WWC1: variants seen among roughly 807,000 people sequenced by gnomAD.
WWC1 encodes the protein WW and C2 domain containing 1, also known as protein KIBRA.
WWC1 carries 55 observed loss-of-function variants against 138.4 expected under a neutral mutation model. The observed-to-expected ratio is 0.40, with a 90% CI of 0.32 to 0.50. WWC1 has a LOEUF of 0.50. Ranked by LOEUF, WWC1 falls within the 20% of genes least tolerant of loss-of-function variation. WWC1 has a pLI of 0.72. For missense variants in WWC1, 1,226 were observed against 1,420.4 expected, an observed-to-expected ratio of 0.86 and a Z score of 2.20; for synonymous variants, 524 against 564.9, an observed-to-expected ratio of 0.93 and a Z score of 1.03.
Position 168,442,439 on chromosome 5 carries a change from C to CAAA in WWC1, c.2433+621_2433+623dup, listed in dbSNP as rs11430085. 3.3e-3 allele frequency among the ~76,000 whole-genome samples: 325 copies of CAAA among 97,192 alleles called. 7 individuals carry two copies. The highest frequency in any genetic ancestry group is 6.9e-3 in the Middle Eastern group (1 of 144). 63.8% of individuals were successfully genotyped at this position (97,192 alleles called of 152,430 possible). A position where few individuals can be genotyped will look rare whatever the true frequency, so the allele number is the denominator to read the frequency against. On this transcript the variant is annotated intron_variant, in intron 16 of 22. Transcript: ENST00000265293. ...GCAACATGGTGAGGCCTTGTCTCTACAAAAAAAAAAAAAAAAAATTTAATT... is the reference window on the plus strand; with the variant it reads ...GCAACATGGTGAGGCCTTGTCTCTACAAAAAAAAAAAAAAAAAAAAATTTAATT...
In WWC1 at chr5:168,414,564, C is replaced by A. The variant is rs1300715049; in HGVS notation, c.1158C>A (p.Asp386Glu). The change falls in exon 9 of 23, where the codon GAC becomes GAA. Residue 386 changes from aspartate (D) to glutamate (E), a missense_variant. This residue lies in a region of WWC1 where 1,016 missense variants were observed against 1,153.9 expected (regional missense o/e 0.88). Transcript: ENST00000265293. ...AAAAGGACCTGCAGGCAGCCCGGGA[C>A]ACCCAGAGCAAGGCGCTGACGGAGA... The part of the protein sequence containing the change: ...RLEKDLQAAR[D>E]TQSKALTERL... 6.4e-7 allele frequency: 1 copy of A among 1,553,120 alleles called. No individual in the cohort carries two copies. Among genetic ancestry groups the A allele is most frequent in the East Asian group, 2.4e-5 (1 of 41,328 alleles).
At position 168,414,411 on chromosome 5, in the gene WWC1, C is replaced by T; in HGVS notation, c.1005C>T (p.Asp335=). ...LDSEAWPGVL[D]SERDRLILIN... is the part of the protein sequence containing the mutation. ...GTGAGGCCTGGCCTGGGGTGCTGGA[C>T]TCAGAGAGGGACCGGCTGATCCTTA... Residue 335 remains aspartate (D), a synonymous_variant, in exon 9 of 23, where the codon GAC becomes GAT. Transcript: ENST00000265293. 1 of 1,605,522 alleles carries T rather than the reference C, an allele frequency of 6.2e-7. No individual in the cohort carries two copies. Among genetic ancestry groups the T allele is most frequent in the Non-Finnish European group, 8.5e-7 (1 of 1,175,778 alleles).
At chr5:168,296,293 C>T (rs374595075) in intron 1 of WWC1, among the ~76,000 whole-genome samples, 10 of 152,082 alleles carry the variant, frequency 6.6e-5, no homozygotes, top group East Asian at 3.9e-4. Context: ...TGGTAAGTAC[C>T]GGAGGCACAC....
At chr5:168,338,179 C>T (rs191835407) in intron 1 of WWC1, among the ~76,000 whole-genome samples, 2,687 of 151,476 alleles carry the variant, frequency 0.018, 87 homozygotes, top group African/African-American at 0.062. Flanking sequence ...GGCGTGGTGG[C>T]ACGCACCTGT....
At chr5:168,414,783 C>T in intron 9 of WWC1, 193 bp downstream of exon 9, 2 of 811,206 alleles carry the variant, frequency 2.5e-6, no homozygotes, top group Non-Finnish European at 3.6e-6. Context: ...GCCAGCTACC[C>T]TGGAATTTTG....
intron 1 of WWC1, among the ~76,000 whole-genome samples, chr5:168,308,163 A>G (rs1340845651): frequency 3.3e-5 from 5 of 152,348 alleles, no homozygotes; most frequent in Admixed American, 2.6e-4. Context: ...TTAGCCGTGC[A>G]TGGGTTACCT....
intron 10 of WWC1, among the ~76,000 whole-genome samples, chr5:168,422,954 TG>T (rs1318123089): frequency 6.6e-6 from 1 of 152,024 alleles, no homozygotes; most frequent in Non-Finnish European, 1.5e-5. Flanking sequence ...GAGACTAGCC[TG>T]GGCAACACGG....
intron 1 of WWC1, among the ~76,000 whole-genome samples, chr5:168,304,106 C>G (rs567357870): frequency 1.3e-5 from 2 of 152,324 alleles, no homozygotes; most frequent in South Asian, 4.1e-4. Context: ...TTAGACATCT[C>G]TCATTATATT....
intron 17 of WWC1, among the ~76,000 whole-genome samples, chr5:168,451,230 C>T (rs961938892): frequency 2.0e-5 from 3 of 152,042 alleles, no homozygotes; most frequent in Non-Finnish European, 4.4e-5. Context: ...TCATATTGGT[C>T]AGGCTGGTCT....
chr5:168,356,460 G>A (rs772030964), intron 1 of WWC1, among the ~76,000 whole-genome samples: 3 of 152,178 alleles, frequency 2.0e-5, no homozygotes, highest in South Asian at 2.1e-4. Context: ...GTCATACATC[G>A]GTGTCAGGCA....
At position 168,453,914 on chromosome 5, in the gene WWC1, G is replaced by C. The variant is rs1582360751; in HGVS notation, c.2526-54G>C. 10 of 1,606,916 alleles carry C rather than the reference G, an allele frequency of 6.2e-6. No individual in the cohort carries two copies. The East Asian group carries it at 2.2e-4, about 36-fold the overall frequency. On this transcript the variant is annotated intron_variant, in intron 17 of 22. Transcript: ENST00000265293. Reference sequence around the variant, plus strand: ...TACCTTGGGTGTATTAAAGGCAGGTGAACAGAGGCAGAGCGGCTTCTGGGT... The same window carrying C: ...TACCTTGGGTGTATTAAAGGCAGGTCAACAGAGGCAGAGCGGCTTCTGGGT...
At chr5:168,391,915 G>A (rs972482511) in intron 3 of WWC1, among the ~76,000 whole-genome samples, 2 of 151,808 alleles carry the variant, frequency 1.3e-5, no homozygotes, top group South Asian at 4.2e-4. Context: ...TAGTGAGGAA[G>A]GCTCACAACA....
At chr5:168,358,800 G>C (rs1022158158) in intron 1 of WWC1, among the ~76,000 whole-genome samples, 1 of 148,348 alleles carries the variant, frequency 6.7e-6, no homozygotes, top group East Asian at 2.2e-4. Context: ...ATATATATAT[G>C]TACACATACA....
At chr5:168,297,541 G>A (rs980551672) in intron 1 of WWC1, among the ~76,000 whole-genome samples, 16 of 150,948 alleles carry the variant, frequency 1.1e-4, no homozygotes, top group Non-Finnish European at 1.9e-4. Flanking sequence ...CAGGAGAATC[G>A]CTTGAATCCG....
intron 1 of WWC1, among the ~76,000 whole-genome samples, chr5:168,331,091 C>T (rs557174990): frequency 1.3e-5 from 2 of 152,202 alleles, no homozygotes; most frequent in South Asian, 4.1e-4. Context: ...GAGTAGCAAG[C>T]CCAGCAAACA....
At chr5:168,334,304 C>G in intron 1 of WWC1, among the ~76,000 whole-genome samples, 1 of 152,082 alleles carries the variant, frequency 6.6e-6, no homozygotes, top group Admixed American at 6.6e-5. Flanking sequence ...CAGGACTGAC[C>G]CTGATTTTGC....
intron 1 of WWC1, among the ~76,000 whole-genome samples, chr5:168,333,697 C>G (rs549981574): frequency 2.0e-5 from 3 of 152,224 alleles, no homozygotes; most frequent in Middle Eastern, 3.4e-3. Context: ...CACATCCCCC[C>G]GCCCAGGCTT....
At chr5:168,294,501 C>A (rs567098443) in intron 1 of WWC1, among the ~76,000 whole-genome samples, 1 of 152,246 alleles carries the variant, frequency 6.6e-6, no homozygotes, top group East Asian at 1.9e-4. Context: ...ACCTGCCCAG[C>A]CTTTGTTTTT....
chr5:168,461,196 G>A (rs1756776564), intron 20 of WWC1, among the ~76,000 whole-genome samples: 1 of 152,198 alleles, frequency 6.6e-6, no homozygotes, highest in Non-Finnish European at 1.5e-5. Context: ...GGGCGTGGTA[G>A]CGTGTACCTG....
Sources: allele counts gnomAD v4.1 joint callset (sites outside exome capture counted in the v4.1 genomes callset), GRCh38; gene constraint gnomAD v4.1.1; regional missense constraint gnomAD v4.1.1; transcripts MANE v1.5; gene names NCBI Gene and HGNC (gene_info 2026-07-23, HGNC 2026-07-21).